Variants in PDE4B observed in about 807,000 individuals in gnomAD.
PDE4B encodes the protein 3',5'-cyclic-AMP phosphodiesterase 4B.
In PDE4B, 20 loss-of-function variants were observed where a neutral mutation model predicts 82.2. The observed-to-expected ratio is 0.24, with a 90% CI of 0.17 to 0.35. PDE4B has a LOEUF of 0.35. Among genes scored for constraint, PDE4B ranks in the 10% least tolerant of loss-of-function variants. The probability of loss-of-function intolerance (pLI) is 1.00; values close to 1 mark genes in which losing one functional copy is unlikely to be tolerated. For missense variants in PDE4B, 655 were observed against 907.2 expected (o/e 0.72, Z 3.57); for synonymous variants, 320 against 318.9 (o/e 1.00, Z -0.04).
At chr1:65,948,224 G>T (rs959867511) in intron 3 of PDE4B, among the ~76,000 whole-genome samples, 2 of 151,636 alleles carry the variant, frequency 1.3e-5, no homozygotes, top group Non-Finnish European at 2.9e-5. Context: ...GACAGACATG[G>T]TTTGGACTCC....
At chr1:65,802,619 T>C (rs972624082) in intron 1 of PDE4B, among the ~76,000 whole-genome samples, 1 of 152,180 alleles carries the variant, frequency 6.6e-6, no homozygotes, top group African/African-American at 2.4e-5. Flanking sequence ...AAAATAGATA[T>C]GGGGTAGGAA....
rs561442637 is a variant in PDE4B, at chr1:66,291,748, GT to G, written c.634+25670del. ...CTCCAAGGACTGGCAATAATGACCTGTTTTTTTTTCCCACCATGTAATTATG... is the reference window on the plus strand; with the variant it reads ...CTCCAAGGACTGGCAATAATGACCTGTTTTTTTTCCCACCATGTAATTATG... On this transcript the variant is annotated intron_variant, in intron 7 of 16. Transcript: ENST00000341517. Among the ~76,000 whole-genome samples the G allele has an allele frequency of 7.9e-3, 1,195 of 150,650 alleles. 16 individuals carry two copies. Among genetic ancestry groups the G allele is most frequent in the African/African-American group, 0.028 (1,131 of 41,076 alleles).
chr1:66,086,561 C>T (rs983733629), intron 3 of PDE4B, among the ~76,000 whole-genome samples: 6 of 152,136 alleles, frequency 3.9e-5, no homozygotes, highest in Admixed American at 3.3e-4. Flanking sequence ...AAGTAAATAA[C>T]ATTTTACTTA....
At chr1:65,961,685 T>C (rs1292190613) in intron 3 of PDE4B, among the ~76,000 whole-genome samples, 1 of 152,084 alleles carries the variant, frequency 6.6e-6, no homozygotes, top group African/African-American at 2.4e-5. Context: ...AATAACTCAA[T>C]GGGAAGACAG....
chr1:66,358,530 T>A (rs1264316480), intron 9 of PDE4B, among the ~76,000 whole-genome samples: 1 of 151,878 alleles, frequency 6.6e-6, no homozygotes, highest in African/African-American at 2.4e-5. Flanking sequence ...CAAAAATAGC[T>A]GGGCATGGTG....
chr1:65,910,500 T>C (rs1360949270), intron 1 of PDE4B, among the ~76,000 whole-genome samples: 1 of 152,204 alleles, frequency 6.6e-6, no homozygotes, highest in Non-Finnish European at 1.5e-5. Context: ...AAGTCTGTAT[T>C]AGTCAGGATC....
At chr1:65,995,566 G>A (rs984223481) in intron 3 of PDE4B, among the ~76,000 whole-genome samples, 4 of 152,058 alleles carry the variant, frequency 2.6e-5, no homozygotes, top group Admixed American at 6.6e-5. Context: ...TCTAAGACTC[G>A]TGAGAATAAT....
At chr1:66,058,292 C>A (rs1453393826) in intron 3 of PDE4B, among the ~76,000 whole-genome samples, 4 of 152,216 alleles carry the variant, frequency 2.6e-5, no homozygotes, top group Non-Finnish European at 5.9e-5. Flanking sequence ...GCCTTCCTCC[C>A]AGCTGCTTTC....
chr1:65,842,000 T>A (rs1053611189), intron 1 of PDE4B, among the ~76,000 whole-genome samples: 2 of 152,164 alleles, frequency 1.3e-5, no homozygotes, highest in African/African-American at 4.8e-5. Flanking sequence ...ATTATCTAAT[T>A]AGAAATATTA....
intron 3 of PDE4B, among the ~76,000 whole-genome samples, chr1:66,034,790 G>T (rs1388898021): frequency 6.6e-6 from 1 of 152,008 alleles, no homozygotes; most frequent in Admixed American, 6.6e-5. Context: ...ACTTTATTTG[G>T]CTCTGTCTGC....
intron 3 of PDE4B, among the ~76,000 whole-genome samples, chr1:66,201,019 C>T (rs1303181458): frequency 6.6e-6 from 1 of 152,134 alleles, no homozygotes; most frequent in African/African-American, 2.4e-5. Flanking sequence ...AGATACATCC[C>T]ATCAATACCT....
At chr1:66,273,867 A>G (rs1655682185) in intron 7 of PDE4B, among the ~76,000 whole-genome samples, 1 of 152,254 alleles carries the variant, frequency 6.6e-6, no homozygotes, top group Non-Finnish European at 1.5e-5. Flanking sequence ...CTCTCAGGAC[A>G]TGTGCATAGT....
At chr1:65,890,161 A>G (rs1646837637) in intron 1 of PDE4B, among the ~76,000 whole-genome samples, 1 of 148,362 alleles carries the variant, frequency 6.7e-6, no homozygotes, top group Non-Finnish European at 1.5e-5. Flanking sequence ...AACTGGCAAA[A>G]TCTAGCATTA....
At chr1:66,300,675 A>G (rs1349600131) in intron 7 of PDE4B, among the ~76,000 whole-genome samples, 1 of 152,150 alleles carries the variant, frequency 6.6e-6, no homozygotes, top group Non-Finnish European at 1.5e-5. Context: ...GACTACAAAG[A>G]TGAATTGGAC....
intron 3 of PDE4B, among the ~76,000 whole-genome samples, chr1:66,235,536 TATC>T (rs1319395915): frequency 6.6e-6 from 1 of 152,214 alleles, no homozygotes; most frequent in Non-Finnish European, 1.5e-5. Flanking sequence ...TGATTAGTGT[TATC>T]ATAGTTTATC....
chr1:66,156,789 C>G (rs995375728), intron 3 of PDE4B, among the ~76,000 whole-genome samples: 1 of 152,150 alleles, frequency 6.6e-6, no homozygotes, highest in Non-Finnish European at 1.5e-5. Flanking sequence ...TTCACTCTCT[C>G]CTCCTGGAAA....
chr1:66,151,316 T>G (rs914954422), intron 3 of PDE4B, among the ~76,000 whole-genome samples: 1 of 152,164 alleles, frequency 6.6e-6, no homozygotes, highest in Non-Finnish European at 1.5e-5. Context: ...AAATTTAATC[T>G]CATTAGTCTG....
chr1:65,821,679 GA>G (rs1450564218), intron 1 of PDE4B, among the ~76,000 whole-genome samples: 1 of 152,152 alleles, frequency 6.6e-6, no homozygotes, highest in Non-Finnish European at 1.5e-5. Flanking sequence ...CAGAAACTCA[GA>G]ATTGAGTGTC....
At chr1:65,823,401 A>T (rs1292199370) in intron 1 of PDE4B, among the ~76,000 whole-genome samples, 5 of 150,758 alleles carry the variant, frequency 3.3e-5, no homozygotes, top group African/African-American at 1.2e-4. Flanking sequence ...ATCTCTAAAA[A>T]AAAAAAAAAA....
Sources: gnomAD v4.1 joint callset for allele counts (sites outside exome capture counted in the v4.1 genomes callset) on GRCh38, gnomAD v4.1.1 for gene constraint, MANE v1.5 for transcripts, NCBI Gene and HGNC (gene_info 2026-07-23, HGNC 2026-07-21) for gene names.